ADAMTS2: variants seen among roughly 807,000 people sequenced by gnomAD.
ADAMTS2 encodes the protein ADAM metallopeptidase with thrombospondin type 1 motif 2, also known as A disintegrin and metalloproteinase with thrombospondin motifs 2.
A neutral mutation model predicts 123.0 loss-of-function variants in ADAMTS2; 50 were observed. The observed-to-expected ratio is 0.41, with a 90% CI of 0.32 to 0.51. ADAMTS2 has a LOEUF of 0.51. Among genes scored for constraint, ADAMTS2 ranks in the 20% least tolerant of loss-of-function variants. The pLI is 0.35. For synonymous variants in ADAMTS2, 678 were observed against 695.4 expected (o/e 0.98, Z 0.39); for missense variants, 1,494 against 1,705.2 (o/e 0.88, Z 2.18).
In ADAMTS2 at chr5:179,153,344, G is replaced by A; in HGVS notation, c.1515+147C>T. 7.2e-6 allele frequency: 9 copies of A among 1,257,940 alleles called. No homozygotes were observed. The South Asian group carries it at 9.7e-5, about 14-fold the overall frequency. The allele number at this position is 1,257,940 out of a possible 1,614,324, so 77.9% of individuals were successfully genotyped here. A position where few individuals can be genotyped will look rare whatever the true frequency, so the allele number is the denominator to read the frequency against. ...GGTGCCTAGGGGGTGGGGAGTGGTG[G>A]GTGCAGAGGGACAGGCTGCCACTCT... On this transcript the variant is annotated intron_variant, in intron 9 of 21. Transcript: ENST00000251582.
chr5:179,267,790 T>G (rs1766413644), intron 3 of ADAMTS2, among the ~76,000 whole-genome samples: 1 of 152,062 alleles, frequency 6.6e-6, no homozygotes, highest in Admixed American at 6.5e-5. Context: ...GAGGCTTCTG[T>G]GGAAAGAGGG....
At chr5:179,209,731 T>C (rs1764808103) in intron 3 of ADAMTS2, among the ~76,000 whole-genome samples, 1 of 152,190 alleles carries the variant, frequency 6.6e-6, no homozygotes, top group South Asian at 2.1e-4. Context: ...GGGCCATCCA[T>C]GCCGTTCCCA....
rs73808251 is a variant in ADAMTS2, at chr5:179,314,648, G to T, written c.534+29119C>A. ...ACAGCATGCAGAGGCCCATGTGCTT[G>T]TCCCACAGGGTGACGGGCCAGAATT... On this transcript the variant is annotated intron_variant, in intron 2 of 21. Coordinates refer to ENST00000251582, the MANE Select transcript of ADAMTS2 (RefSeq NM_014244.5). The surrounding 1 kb of genome is among the most constrained non-coding windows in gnomAD (Gnocchi z 4.5). Among the ~76,000 whole-genome samples, 734 of 152,218 alleles carry T rather than the reference G, an allele frequency of 4.8e-3. 10 individuals are homozygous for T. Among genetic ancestry groups the T allele is most frequent in the African/African-American group, 0.016 (676 of 41,520 alleles).
At chr5:179,340,210 C>A (rs1053310700) in intron 2 of ADAMTS2, among the ~76,000 whole-genome samples, 1 of 152,252 alleles carries the variant, frequency 6.6e-6, no homozygotes, top group Admixed American at 6.5e-5. Context: ...CCATCTCCAC[C>A]GCCCAGCCCA....
chr5:179,208,116 C>G, intron 3 of ADAMTS2, among the ~76,000 whole-genome samples: 1 of 150,368 alleles, frequency 6.7e-6, no homozygotes, highest in Non-Finnish European at 1.5e-5. Context: ...TCAGCCCGCA[C>G]TGCCTGACGC....
chr5:179,128,088 G>A lies in ADAMTS2; in HGVS notation c.2488C>T (p.Leu830=), dbSNP rs758515627. Residue 830 remains leucine (L), a synonymous_variant, in exon 17 of 22, where the codon CTG becomes TTG. Coordinates refer to ENST00000251582, the MANE Select transcript of ADAMTS2 (RefSeq NM_014244.5). The surrounding 1 kb of genome is among the most constrained non-coding windows in gnomAD (Gnocchi z 4.9). ...VIPVGDTRVS[L]TYKYMIHEDS... The stretch of plus-strand genomic sequence containing the variant: ...TCATGGATCATGTATTTGTACGTCA[G>A]TGAGACCCGGGTGTCTCCCACCGGG... 2.5e-6 allele frequency: 4 copies of A among 1,613,838 alleles called. No homozygotes were observed. The South Asian group carries it at 4.4e-5, about 18-fold the overall frequency.
chr5:179,202,367 G>A lies in ADAMTS2; in HGVS notation c.891+5146C>T, dbSNP rs527567112. Among the ~76,000 whole-genome samples, 25 of 151,226 alleles carry A rather than the reference G, an allele frequency of 1.7e-4. No homozygotes were observed. The East Asian group carries it at 1.8e-3, about 11-fold the overall frequency. Reference sequence around the variant, plus strand: ...TCCGTTGTCGTGAGCCTCTGCTCCCGTGATATCTCCAGTGCACCAGCCCCT... The same window carrying A: ...TCCGTTGTCGTGAGCCTCTGCTCCCATGATATCTCCAGTGCACCAGCCCCT... On this transcript the variant is annotated intron_variant, in intron 4 of 21. Coordinates refer to ENST00000251582, the MANE Select transcript of ADAMTS2 (RefSeq NM_014244.5). The surrounding 1 kb of genome is among the most constrained non-coding windows in gnomAD (Gnocchi z 4.0).
chr5:179,338,582 T>C (rs1358264103), intron 2 of ADAMTS2, among the ~76,000 whole-genome samples: 2 of 152,074 alleles, frequency 1.3e-5, no homozygotes, highest in Admixed American at 6.5e-5. Context: ...CAGCCCTTTC[T>C]CCCGGAGTCT....
At position 179,314,301 on chromosome 5, in the gene ADAMTS2, G is replaced by A. The variant is rs1756916950; in HGVS notation, c.534+29466C>T. ...ACCTCTCGCCAGCCATCTGGGGCTT[G>A]GCTGGGCCTCAGCCTCCTGGCTGCC... On this transcript the variant is annotated intron_variant, in intron 2 of 21. Coordinates refer to ENST00000251582, the MANE Select transcript of ADAMTS2 (RefSeq NM_014244.5). The surrounding 1 kb of genome is among the most constrained non-coding windows in gnomAD (Gnocchi z 4.5). Among the ~76,000 whole-genome samples, 1 of 152,230 alleles carries A rather than the reference G, an allele frequency of 6.6e-6. No homozygotes were observed. The highest frequency in any genetic ancestry group is 1.5e-5 in the Non-Finnish European group (1 of 68,030).
At chr5:179,283,162 C>T (rs868461439) in intron 2 of ADAMTS2, among the ~76,000 whole-genome samples, 32 of 152,016 alleles carry the variant, frequency 2.1e-4, no homozygotes, top group African/African-American at 7.0e-4. Context: ...CGGAATTGCC[C>T]TCTGCATCTA....
intron 4 of ADAMTS2, among the ~76,000 whole-genome samples, chr5:179,191,138 C>A (rs1460443009): frequency 6.6e-6 from 1 of 152,252 alleles, no homozygotes; most frequent in African/African-American, 2.4e-5. Flanking sequence ...AGGCCTCAGG[C>A]CAGAGCCCAG....
At chr5:179,341,620 G>A (rs1463187895) in intron 2 of ADAMTS2, among the ~76,000 whole-genome samples, 3 of 151,918 alleles carry the variant, frequency 2.0e-5, no homozygotes, top group Non-Finnish European at 4.4e-5. Context: ...GGCTGAGGCA[G>A]GAGAATGGCG....
At position 179,158,635 on chromosome 5, in the gene ADAMTS2, G is replaced by T. The variant is rs1174619072; in HGVS notation, c.1132+88C>A. On this transcript the variant is annotated intron_variant, in intron 6 of 21. Coordinates refer to ENST00000251582, the MANE Select transcript of ADAMTS2 (RefSeq NM_014244.5). This position sits in a 1 kb window ranked among gnomAD's most constrained non-coding sequence, Gnocchi z 5.0. ...TCCCTGCCCTGACACTCTTCCCTGG[G>T]CTGGGCCAAGGCTCCCGGGGCCCCT... The T allele has an allele frequency of 1.3e-6, 2 of 1,581,784 alleles. No individual in the cohort carries two copies. The highest frequency in any genetic ancestry group is 2.7e-5 in the African/African-American group (2 of 74,418).
At chr5:179,214,668 A>G (rs1294146179) in intron 3 of ADAMTS2, among the ~76,000 whole-genome samples, 2 of 152,240 alleles carry the variant, frequency 1.3e-5, no homozygotes, top group Admixed American at 6.5e-5. Flanking sequence ...ATGTTCAACG[A>G]CTACACAAAA....
Position 179,345,231 on chromosome 5 carries a change from G to T in ADAMTS2, c.98C>A (p.Pro33Gln). 8.8e-7 allele frequency: 1 copy of T among 1,138,654 alleles called. No homozygotes were observed. The allele number at this position is 1,138,654 out of a possible 1,614,324, so 70.5% of individuals were successfully genotyped here. The change falls in exon 1 of 22, where the codon CCG becomes CAG. Residue 33 changes from proline (P) to glutamine (Q), a missense_variant. This residue lies in a region of ADAMTS2 where 237 missense variants were observed against 233.7 expected (regional missense o/e 1.01). Coordinates refer to ENST00000251582, the MANE Select transcript of ADAMTS2 (RefSeq NM_014244.5). The surrounding 1 kb of genome is among the most constrained non-coding windows in gnomAD (Gnocchi z 7.5). The stretch of plus-strand genomic sequence containing the variant: ...GGCGGCGAGCCTGGCGTTCGCGGGC[G>T]GCGGCGGCGGCGGCAGGAGCGGCGG... ...LPPPLLPPPP[P>Q]PANARLAAAA... is the part of the protein sequence containing the mutation.
chr5:179,164,078 G>T (rs1458476584), intron 5 of ADAMTS2, among the ~76,000 whole-genome samples: 2 of 152,218 alleles, frequency 1.3e-5, no homozygotes, highest in African/African-American at 4.8e-5. Context: ...GGTTACCTCA[G>T]TGTCCGGGCA....
intron 2 of ADAMTS2, among the ~76,000 whole-genome samples, chr5:179,289,494 G>A (rs913088350): frequency 1.2e-4 from 18 of 152,164 alleles, no homozygotes; most frequent in Admixed American, 5.9e-4. Flanking sequence ...CGACTTATCC[G>A]TGGAGGCTAC....
chr5:179,131,022 C>G (rs1762950988), intron 15 of ADAMTS2, among the ~76,000 whole-genome samples: 1 of 151,968 alleles, frequency 6.6e-6, no homozygotes, highest in Admixed American at 6.6e-5. Flanking sequence ...CGAAAGTTTC[C>G]TCTTAAGAGG....
chr5:179,212,183 T>G (rs1764868980), intron 3 of ADAMTS2, among the ~76,000 whole-genome samples: 1 of 152,044 alleles, frequency 6.6e-6, no homozygotes, highest in Non-Finnish European at 1.5e-5. Context: ...GTGCGGGCTC[T>G]GAGGGTGGGT....
Sources: allele counts gnomAD v4.1 joint callset (sites outside exome capture counted in the v4.1 genomes callset), GRCh38; gene constraint gnomAD v4.1.1; regional missense constraint gnomAD v4.1.1; non-coding constraint Gnocchi (gnomAD v3.1); transcripts MANE v1.5; gene names NCBI Gene and HGNC (gene_info 2026-07-23, HGNC 2026-07-21).